NRF1: variants seen among roughly 807,000 people sequenced by gnomAD.
NRF1 encodes nuclear respiratory factor 1.
NRF1 carries 5 observed loss-of-function variants against 58.5 expected under a neutral mutation model. The ratio of observed to expected loss-of-function variants is 0.09; its 90% confidence interval spans 0.04 to 0.18. NRF1 has a LOEUF of 0.18. Ranked by LOEUF, NRF1 falls within the 10% of genes least tolerant of loss-of-function variation. The pLI is 1.00. For missense variants in NRF1, 288 were observed against 657.7 expected (o/e 0.44, Z 6.15); for synonymous variants, 224 against 246.7 (o/e 0.91, Z 0.86).
chr7:129,677,416 C>G (rs937042027), intron 3 of NRF1, among the ~76,000 whole-genome samples: 1 of 152,144 alleles, frequency 6.6e-6, no homozygotes, highest in Non-Finnish European at 1.5e-5. Flanking sequence ...TGTCCCAAAG[C>G]AAAACCTTCA....
chr7:129,688,971 C>T (rs548387734), intron 4 of NRF1, among the ~76,000 whole-genome samples: 73 of 152,206 alleles, frequency 4.8e-4, no homozygotes, highest in African/African-American at 1.6e-3. Flanking sequence ...TAAATACTAT[C>T]TAGACTACAG....
At chr7:129,716,010 AAC>A (rs869292516) in intron 8 of NRF1, among the ~76,000 whole-genome samples, 7 of 148,084 alleles carry the variant, frequency 4.7e-5, no homozygotes, top group Non-Finnish European at 6.0e-5. Context: ...CGTCTCCAAC[AAC>A]AAAAAAAAAA....
At chr7:129,630,135 G>A (rs1279980958) in intron 1 of NRF1, 1 of 152,162 alleles carries the variant, frequency 6.6e-6, no homozygotes, top group Non-Finnish European at 1.5e-5. Context: ...TTTAATGAAT[G>A]TGGTATGCTG....
intron 2 of NRF1, among the ~76,000 whole-genome samples, chr7:129,664,218 G>T (rs893960229): frequency 2.6e-5 from 4 of 152,048 alleles, no homozygotes; most frequent in African/African-American, 4.8e-5. Context: ...AATTTTCTGG[G>T]CTACTAAATG....
intron 9 of NRF1, among the ~76,000 whole-genome samples, chr7:129,719,028 T>C (rs1803254711): frequency 6.6e-6 from 1 of 152,174 alleles, no homozygotes; most frequent in African/African-American, 2.4e-5. Context: ...CTATTCTGAA[T>C]TGATTATAGT....
intron 10 of NRF1, among the ~76,000 whole-genome samples, chr7:129,738,532 A>G (rs1405786355): frequency 1.3e-5 from 2 of 152,242 alleles, no homozygotes; most frequent in Non-Finnish European, 2.9e-5. Flanking sequence ...GGTAGATGTC[A>G]TACCAGGAAA....
chr7:129,752,605 A>ACTT (rs1365608148), intron 10 of NRF1, among the ~76,000 whole-genome samples: 1 of 152,176 alleles, frequency 6.6e-6, no homozygotes, highest in Non-Finnish European at 1.5e-5. Context: ...TAATCCTAGC[A>ACTT]CTTTGGAAAG....
At chr7:129,709,552 A>G (rs893948322) in intron 6 of NRF1, among the ~76,000 whole-genome samples, 3 of 152,262 alleles carry the variant, frequency 2.0e-5, no homozygotes, top group African/African-American at 7.2e-5. Context: ...GAACACTTAG[A>G]AATGCTTTTA....
At chr7:129,700,646 G>A (rs1300514411) in intron 5 of NRF1, among the ~76,000 whole-genome samples, 1 of 152,136 alleles carries the variant, frequency 6.6e-6, no homozygotes, top group African/African-American at 2.4e-5. Context: ...GGCCAGATGT[G>A]GTGGCCCATG....
Position 129,690,459 on chromosome 7 carries a change from A to C in NRF1, c.519A>C (p.Glu173Asp). The C allele has an allele frequency of 6.2e-7, 1 of 1,614,174 alleles. No homozygotes were observed. Among genetic ancestry groups the C allele is most frequent in the Non-Finnish European group, 8.5e-7 (1 of 1,180,026 alleles). The change falls in exon 5 of 11, where the codon GAA becomes GAC. Residue 173 changes from glutamate (E) to aspartate (D), a missense_variant. By Grantham distance (45) the Glu-to-Asp change is conservative. Coordinates refer to ENST00000393232, the MANE Select transcript of NRF1 (RefSeq NM_005011.5). ...AAGACCTGGAGTCTGCTCTGGCAGA[A>C]CACGCCCCTGCGCCACAGGAGGTTA... ...ILEDLESALA[E>D]HAPAPQEVNS...
At chr7:129,634,788 A>T (rs1216955653) in intron 1 of NRF1, among the ~76,000 whole-genome samples, 3 of 152,162 alleles carry the variant, frequency 2.0e-5, no homozygotes, top group Non-Finnish European at 4.4e-5. Flanking sequence ...AAAGTGGCTG[A>T]TGTATATATT....
intron 10 of NRF1, among the ~76,000 whole-genome samples, chr7:129,734,784 T>C (rs1457647100): frequency 6.6e-6 from 1 of 152,224 alleles, no homozygotes; most frequent in African/African-American, 2.4e-5. Context: ...GGGTGCTATT[T>C]AGAGCCAGGG....
chr7:129,655,955 T>G (rs1218751666), intron 1 of NRF1, among the ~76,000 whole-genome samples: 1 of 152,222 alleles, frequency 6.6e-6, no homozygotes, highest in African/African-American at 2.4e-5. Context: ...TTTTTAAAAC[T>G]GAATAATAAG....
At chr7:129,726,907 C>T (rs551288417) in intron 9 of NRF1, among the ~76,000 whole-genome samples, 45 of 152,286 alleles carry the variant, frequency 3.0e-4, no homozygotes, top group African/African-American at 8.7e-4. Context: ...TGGATCAGAG[C>T]TTTCACTATG....
chr7:129,752,681 G>A lies in NRF1; in HGVS notation c.1349-2337G>A, dbSNP rs549029791. Among the ~76,000 whole-genome samples the A allele has an allele frequency of 7.6e-4, 116 of 152,042 alleles. 1 individual carries two copies. The highest frequency in any genetic ancestry group is 2.7e-3 in the African/African-American group (110 of 41,480). ...AACCTGGGCAACATAGTGAGACCTCGTCACTATTTAAAAAAATAAAAAATA... is the reference window on the plus strand; with the variant it reads ...AACCTGGGCAACATAGTGAGACCTCATCACTATTTAAAAAAATAAAAAATA... On this transcript the variant is annotated intron_variant, in intron 10 of 10. Transcript: ENST00000393232.
At chr7:129,744,731 G>T (rs567922274) in intron 10 of NRF1, among the ~76,000 whole-genome samples, 16 of 152,250 alleles carry the variant, frequency 1.1e-4, no homozygotes, top group African/African-American at 3.1e-4. Flanking sequence ...CTTTTTTCAG[G>T]TGTCTCACTG....
intron 10 of NRF1, among the ~76,000 whole-genome samples, chr7:129,742,954 C>T (rs551671377): frequency 2.0e-4 from 30 of 152,266 alleles, no homozygotes; most frequent in Non-Finnish European, 4.1e-4. Context: ...TCCAGTGGAC[C>T]ACACTGTTTG....
chr7:129,614,246 G>A (rs959657641), intron 1 of NRF1, among the ~76,000 whole-genome samples: 13 of 152,146 alleles, frequency 8.5e-5, no homozygotes, highest in African/African-American at 2.9e-4. Flanking sequence ...CTCCCGAGTA[G>A]CTGGGATTAC....
chr7:129,686,799 T>C (rs1802453469), intron 4 of NRF1, among the ~76,000 whole-genome samples: 1 of 152,242 alleles, frequency 6.6e-6, no homozygotes, highest in African/African-American at 2.4e-5. Context: ...CATGTTGGTA[T>C]GAAGTGACAA....
Sources: allele counts gnomAD v4.1 joint callset (sites outside exome capture counted in the v4.1 genomes callset), GRCh38; gene constraint gnomAD v4.1.1; transcripts MANE v1.5; gene names NCBI Gene and HGNC (gene_info 2026-07-23, HGNC 2026-07-21).